TMEM268: variants seen among roughly 807,000 people sequenced by gnomAD.
TMEM268 encodes transmembrane protein 268, also known as transmembrane protein C9orf91.
TMEM268 carries 24 observed loss-of-function variants against 39.1 expected under a neutral mutation model. The observed-to-expected ratio is 0.61, with a 90% confidence interval of 0.44 to 0.86. The LOEUF (loss-of-function observed/expected upper bound fraction) is 0.86, where lower values mean the gene tolerates loss of function less well. Ranked by LOEUF, TMEM268 falls within the 40% of genes least tolerant of loss-of-function variation. The probability of loss-of-function intolerance (pLI) is 0.00; values close to 1 mark genes in which losing one functional copy is unlikely to be tolerated. For missense variants in TMEM268, 409 were observed against 428.6 expected (o/e 0.95, Z 0.40); for synonymous variants, 176 against 173.5 (o/e 1.01, Z -0.12).
chr9:114,615,354 G>A (rs1471388873), intron 1 of TMEM268: 1 of 152,278 alleles, frequency 6.6e-6, no homozygotes, highest in African/African-American at 2.4e-5. Context: ...CCTGTGGGGA[G>A]GGTACCCAGA....
intron 2 of TMEM268, among the ~76,000 whole-genome samples, chr9:114,620,250 ACTT>A (rs761208014): frequency 2.8e-4 from 42 of 151,806 alleles, no homozygotes; most frequent in Admixed American, 5.9e-4. Context: ...TTAGTTACTT[ACTT>A]ATTTTTTTTG....
chr9:114,622,534 C>G, intron 2 of TMEM268: 1 of 983,512 alleles, frequency 1.0e-6, no homozygotes, highest in Non-Finnish European at 1.2e-6. Context: ...CCATTCCTCC[C>G]TGGTCTTGAG....
At chr9:114,642,251 C>G (rs945150139) in intron 8 of TMEM268, among the ~76,000 whole-genome samples, 13 of 152,168 alleles carry the variant, frequency 8.5e-5, no homozygotes, top group Non-Finnish European at 1.5e-4. Flanking sequence ...TCCCTGTGAA[C>G]TGATTACTCT....
chr9:114,636,371 A>T (rs1175234929), intron 6 of TMEM268, among the ~76,000 whole-genome samples: 1 of 152,158 alleles, frequency 6.6e-6, no homozygotes, highest in Non-Finnish European at 1.5e-5. Context: ...CCGCCCATTG[A>T]GGATGAAGGT....
intron 1 of TMEM268, among the ~76,000 whole-genome samples, chr9:114,614,083 C>T (rs1403696520): frequency 6.6e-6 from 1 of 152,198 alleles, no homozygotes; most frequent in East Asian, 1.9e-4. Flanking sequence ...TCTCTATCCC[C>T]ATTTTACAGA....
the TMEM268 span, among the ~76,000 whole-genome samples, chr9:114,604,394 A>G: frequency 2.6e-5 from 4 of 151,822 alleles, no homozygotes; most frequent in Non-Finnish European, 5.9e-5. Flanking sequence ...CCTGGCCAAC[A>G]TAGCGAAACC....
chr9:114,639,592 G>A (rs1245163581), intron 8 of TMEM268, among the ~76,000 whole-genome samples: 2 of 151,910 alleles, frequency 1.3e-5, no homozygotes, highest in Non-Finnish European at 2.9e-5. Flanking sequence ...GTGACCTCAG[G>A]TGACATTTGA....
rs956772131 is a variant in TMEM268, at chr9:114,611,306, C to G, written c.-337C>G. 6.6e-6 allele frequency: 1 copy of G among 152,050 alleles called. No individual in the cohort carries two copies. The highest frequency in any genetic ancestry group is 1.5e-5 in the Non-Finnish European group (1 of 67,972). 9.4% of individuals were successfully genotyped at this position (152,050 alleles called of 1,614,324 possible). ...GCGCTCGGCTGATGAAACGCGGCCT[C>G]CAGCTCCGCTCCGCCGCGGGCCCGG... On this transcript the variant is annotated 5_prime_UTR_variant, in exon 1 of 9. Transcript: ENST00000288502.
At chr9:114,604,562 A>T in the TMEM268 span, among the ~76,000 whole-genome samples, 1 of 142,088 alleles carries the variant, frequency 7.0e-6, no homozygotes, top group African/African-American at 2.7e-5. Context: ...CTCCAGCCTG[A>T]GTGACAGAGC....
At chr9:114,633,239 G>A (rs1237710538) in intron 5 of TMEM268, among the ~76,000 whole-genome samples, 1 of 150,944 alleles carries the variant, frequency 6.6e-6, no homozygotes, top group Admixed American at 6.6e-5. Context: ...TCTGTGCACT[G>A]CAACCTCTGC....
the TMEM268 span, among the ~76,000 whole-genome samples, chr9:114,605,207 T>C: frequency 6.6e-6 from 1 of 152,248 alleles, no homozygotes; most frequent in Admixed American, 6.5e-5. Context: ...TTTAATTATT[T>C]TTCTCCCCTT....
rs893964271 is a variant in TMEM268, at chr9:114,644,210, C to A, written c.*897C>A. ...GTTTGAAGACCTATTGTTTCATAGACCCAAGACCAAACGCATCTAAAGGAT... is the reference window on the plus strand; with the variant it reads ...GTTTGAAGACCTATTGTTTCATAGAACCAAGACCAAACGCATCTAAAGGAT... On this transcript the variant is annotated 3_prime_UTR_variant, in exon 9 of 9. Coordinates refer to ENST00000288502, the MANE Select transcript of TMEM268 (RefSeq NM_153045.4). The A allele has an allele frequency of 1.3e-5, 2 of 152,352 alleles. No homozygotes were observed. Among genetic ancestry groups the A allele is most frequent in the African/African-American group, 4.8e-5 (2 of 41,448 alleles). The allele number at this position is 152,352 out of a possible 1,614,324, so 9.4% of individuals were successfully genotyped here.
chr9:114,609,185 C>T (rs1364760223), upstream of TMEM268, among the ~76,000 whole-genome samples: 1 of 152,110 alleles, frequency 6.6e-6, no homozygotes, highest in Non-Finnish European at 1.5e-5. Flanking sequence ...GTGGCACACC[C>T]CTGTAATCCC....
intron 6 of TMEM268, among the ~76,000 whole-genome samples, 154 bp from the exon 7 acceptor site, chr9:114,636,836 C>G (rs1846658156): frequency 6.6e-6 from 1 of 152,154 alleles, no homozygotes. Context: ...CACACAAAGC[C>G]ATTTTTCTAC....
intron 5 of TMEM268, among the ~76,000 whole-genome samples, chr9:114,629,079 A>G (rs1222348196): frequency 1.3e-5 from 2 of 152,234 alleles, no homozygotes; most frequent in African/African-American, 2.4e-5. Flanking sequence ...TGCTGCTAAT[A>G]AATGCCAGAG....
At chr9:114,609,777 GAAAC>G (rs1180556232), upstream of TMEM268, among the ~76,000 whole-genome samples, 1 of 145,080 alleles carries the variant, frequency 6.9e-6, no homozygotes, top group African/African-American at 2.6e-5. Flanking sequence ...GAAAGAAAAA[GAAAC>G]AAAGAGAGAA....
upstream of TMEM268, among the ~76,000 whole-genome samples, chr9:114,608,679 C>A (rs1009450209): frequency 6.6e-6 from 1 of 152,122 alleles, no homozygotes; most frequent in Non-Finnish European, 1.5e-5. Flanking sequence ...TGCTCCCACG[C>A]GTCTAAATTG....
At chr9:114,622,472 C>A in intron 2 of TMEM268, 1 of 985,174 alleles carries the variant, frequency 1.0e-6, no homozygotes, top group South Asian at 4.7e-5. Context: ...ATCCTTTTGT[C>A]CAGTTTCTCT....
rs1827441383 is a variant in TMEM268 at position 114,643,359 on chromosome 9, G to A, written c.*46G>A. On this transcript the variant is annotated 3_prime_UTR_variant, in exon 9 of 9. Transcript: ENST00000288502. The stretch of plus-strand genomic sequence containing the variant: ...TCTTCCTTCAAGACTGAGCAGTCAG[G>A]AAGGCTTCAGGAGCCCAAGATGGCC... 4 of 1,588,908 alleles carry A rather than the reference G, an allele frequency of 2.5e-6. No individual in the cohort carries two copies. The highest frequency in any genetic ancestry group is 2.6e-6 in the Non-Finnish European group (3 of 1,159,586).
Sources: allele counts gnomAD v4.1 joint callset (sites outside exome capture counted in the v4.1 genomes callset), GRCh38; gene constraint gnomAD v4.1.1; transcripts MANE v1.5; gene names NCBI Gene and HGNC (gene_info 2026-07-23, HGNC 2026-07-21).